The following CNTRL variants were observed in gnomAD, a reference collection of about 807,000 sequenced individuals.
The protein encoded by CNTRL is centriolin, also known as 110 kDa centrosomal protein.
A neutral mutation model predicts 303.7 loss-of-function variants in CNTRL; 233 were observed. The ratio of observed to expected loss-of-function variants is 0.77; its 90% CI spans 0.69 to 0.86. CNTRL has a LOEUF of 0.86. CNTRL is among the 40% of genes least tolerant of loss of function. CNTRL has a pLI of 0.00. For synonymous variants in CNTRL, 900 were observed against 922.2 expected (o/e 0.98, Z 0.44); for missense variants, 2,524 against 2,650.6 (o/e 0.95, Z 1.05).
At chr9:121,134,405 C>T (rs2051063031) in intron 14 of CNTRL, among the ~76,000 whole-genome samples, 1 of 152,038 alleles carries the variant, frequency 6.6e-6, no homozygotes, top group Non-Finnish European at 1.5e-5. Context: ...ATTCCGCTGC[C>T]TCAGCCTCCT....
intron 8 of CNTRL, among the ~76,000 whole-genome samples, chr9:121,110,576 T>G (rs1444092953): frequency 2.0e-5 from 3 of 152,158 alleles, no homozygotes; most frequent in Non-Finnish European, 2.9e-5. Flanking sequence ...TTAAAGGTAG[T>G]TCTTCCAGGC....
In CNTRL at chr9:121,092,665, T is replaced by G; in HGVS notation, c.349-2223T>G. ...TATATATCTATATATAATATATATC[T>G]ATATATATAATATATATCTATATAT... On this transcript the variant is annotated intron_variant, in intron 4 of 43. Coordinates refer to ENST00000373855, the MANE Select transcript of CNTRL (RefSeq NM_007018.6). Among the ~76,000 whole-genome samples, 2 of 28,538 alleles carry G rather than the reference T, an allele frequency of 7.0e-5. 1 individual carries two copies. The highest frequency in any genetic ancestry group is 2.1e-4 in the African/African-American group (2 of 9,446). The allele number at this position is 28,538 out of a possible 152,430, so 18.7% of individuals were successfully genotyped here. A position where few individuals can be genotyped will look rare whatever the true frequency, so the allele number is the denominator to read the frequency against.
At chr9:121,129,512 A>G (rs546790162) in intron 14 of CNTRL, among the ~76,000 whole-genome samples, 55 of 152,294 alleles carry the variant, frequency 3.6e-4, no homozygotes, top group African/African-American at 1.2e-3. Flanking sequence ...CTGAAGTTGC[A>G]TATCAGCTTA....
At chr9:121,161,143 T>TGC (rs2052830380) in intron 32 of CNTRL, 2 of 379,952 alleles carry the variant, frequency 5.3e-6, no homozygotes, top group Non-Finnish European at 9.9e-6. Context: ...AGTGTGTGTG[T>TGC]GTGCGCGCGT....
rs1215455070 is a variant in CNTRL at position 121,152,606 on chromosome 9, ATAT to A, written c.4087_4089del (p.Ile1363del). ...AAAGAAATGGAAGAACTGCATCATA[ATAT>A]TGATGATCTTTTGCAAGAGAAGAAA... On this transcript the variant is annotated inframe_deletion, in exon 26 of 44. Transcript: ENST00000373855. 2 of 1,614,046 alleles carry A rather than the reference ATAT, an allele frequency of 1.2e-6. No individual in the cohort carries two copies. Among genetic ancestry groups the A allele is most frequent in the Non-Finnish European group, 1.7e-6 (2 of 1,179,910 alleles).
chr9:121,095,527 A>G (rs888489120), intron 5 of CNTRL, among the ~76,000 whole-genome samples: 2 of 152,224 alleles, frequency 1.3e-5, no homozygotes, highest in African/African-American at 4.8e-5. Flanking sequence ...CTTCATATAG[A>G]AAACTTGTTA....
At chr9:121,154,942 GCT>G in intron 27 of CNTRL, 29 bp downstream of exon 27, 1 of 1,590,198 alleles carries the variant, frequency 6.3e-7, no homozygotes, top group Non-Finnish European at 8.6e-7. Flanking sequence ...TGGGGTGTGA[GCT>G]CAGTGTGGGT....
In CNTRL at chr9:121,138,563, C is replaced by G; in HGVS notation, c.2221C>G (p.Gln741Glu). The part of the protein sequence containing the change: ...RLTQLEQSAL[Q>E]AELEKERQAL... ...GTGACAGTTAGAACAATCAGCCCTT[C>G]AAGCAGAACTTGAGAAGGAAAGGCA... The change falls in exon 16 of 44, where the codon CAA becomes GAA. Residue 741 changes from glutamine (Q) to glutamate (E), a missense_variant. Gln to Glu is a conservative substitution (Grantham distance 29). Transcript: ENST00000373855. 6.2e-7 allele frequency: 1 copy of G among 1,613,836 alleles called. No homozygotes were observed. The highest frequency in any genetic ancestry group is 8.5e-7 in the Non-Finnish European group (1 of 1,179,796).
At chr9:121,081,609 C>G (rs1564183570) in intron 2 of CNTRL, among the ~76,000 whole-genome samples, 1 of 152,220 alleles carries the variant, frequency 6.6e-6, no homozygotes, top group African/African-American at 2.4e-5. Context: ...CAGAGAAATA[C>G]TACTTACATT....
chr9:121,172,333 GT>G (rs2053343727), intron 40 of CNTRL, among the ~76,000 whole-genome samples: 2 of 152,172 alleles, frequency 1.3e-5, no homozygotes, highest in Admixed American at 1.3e-4. Flanking sequence ...ATCAAATGCA[GT>G]TGGTAACACT....
At chr9:121,086,862 A>G (rs1588053270) in intron 2 of CNTRL, among the ~76,000 whole-genome samples, 1 of 152,130 alleles carries the variant, frequency 6.6e-6, no homozygotes, top group Non-Finnish European at 1.5e-5. Flanking sequence ...CATGTTGGCC[A>G]GGCTGGTCTC....
chr9:121,112,559 T>G lies in CNTRL; in HGVS notation c.1103T>G (p.Leu368Arg). ...FYKIDAKFEP[L>R]NYYPSEYAEI... ...AAAATTGATGCTAAATTTGAGCCAC[T>G]AAATTATTATCCATCAGAGGTGAGT... is the stretch of plus-strand genomic sequence containing the variant. Residue 368 changes from leucine to arginine, a missense_variant, in exon 9 of 44, where the codon CTA becomes CGA. Transcript: ENST00000373855. The G allele has an allele frequency of 6.2e-7, 1 of 1,612,552 alleles. No homozygotes were observed. The highest frequency in any genetic ancestry group is 8.5e-7 in the Non-Finnish European group (1 of 1,178,800).
chr9:121,081,531 C>T (rs547401387), intron 2 of CNTRL, among the ~76,000 whole-genome samples: 5 of 152,344 alleles, frequency 3.3e-5, no homozygotes, highest in South Asian at 2.1e-4. Context: ...GACCACCAAG[C>T]TATAAATTGG....
chr9:121,121,447 C>G (rs2050218680), intron 12 of CNTRL, among the ~76,000 whole-genome samples: 1 of 152,192 alleles, frequency 6.6e-6, no homozygotes, highest in South Asian at 2.1e-4. Flanking sequence ...TAGCTCAGAA[C>G]TAAGCCTAGG....
In CNTRL at chr9:121,141,369, C is replaced by G. The variant is rs2051500615; in HGVS notation, c.2484-12C>G. On this transcript the variant is annotated splice_polypyrimidine_tract_variant and intron_variant, in intron 17 of 43. Transcript: ENST00000373855. ...ATGTCACATTTATACCATTTTTCCC[C>G]CTCCTTACTAGCATCCATAGTCCTT... The G allele has an allele frequency of 1.9e-6, 3 of 1,597,280 alleles. No homozygotes were observed. Among genetic ancestry groups the G allele is most frequent in the Non-Finnish European group, 2.6e-6 (3 of 1,166,396 alleles).
At chr9:121,151,012 A>G (rs777317278) in intron 25 of CNTRL, among the ~76,000 whole-genome samples, 1 of 152,252 alleles carries the variant, frequency 6.6e-6, no homozygotes, top group Admixed American at 6.5e-5. Flanking sequence ...GCACACAGGT[A>G]TGGACAGCAT....
rs1588235549 is a variant in CNTRL at position 121,141,542 on chromosome 9, G to T, written c.2645G>T (p.Gly882Val). The T allele has an allele frequency of 1.2e-6, 2 of 1,614,104 alleles. No individual in the cohort carries two copies. The highest frequency in any genetic ancestry group is 8.5e-7 in the Non-Finnish European group (1 of 1,179,984). ...CTGCAGCAAGAGAAACTGGCAACTGGACAAGAAGAGTTCAGGCAGGCCTGT... is the reference window on the plus strand; with the variant it reads ...CTGCAGCAAGAGAAACTGGCAACTGTACAAGAAGAGTTCAGGCAGGCCTGT... The part of the protein sequence containing the change: ...MALQQEKLAT[G>V]QEEFRQACER... Residue 882 changes from glycine to valine, a missense_variant, in exon 18 of 44, where the codon GGA becomes GTA. By Grantham distance (109) the Gly-to-Val change is moderately radical (BLOSUM62 -3). Transcript: ENST00000373855.
At chr9:121,142,028 T>G in intron 18 of CNTRL, 63 bp from the exon 19 acceptor site, 1 of 1,364,846 alleles carries the variant, frequency 7.3e-7, no homozygotes, top group Non-Finnish European at 9.8e-7. Flanking sequence ...CTATAAAAAG[T>G]TTTTATTTTG....
chr9:121,097,646 GC>G (rs2048946836), intron 6 of CNTRL, among the ~76,000 whole-genome samples: 6 of 152,190 alleles, frequency 3.9e-5, no homozygotes, highest in Non-Finnish European at 7.4e-5. Context: ...GGCTGTTGAT[GC>G]TATGGGATGA....
Sources: allele counts gnomAD v4.1 joint callset (sites outside exome capture counted in the v4.1 genomes callset), GRCh38; gene constraint gnomAD v4.1.1; transcripts MANE v1.5; gene names NCBI Gene and HGNC (gene_info 2026-07-23, HGNC 2026-07-21).